F13A1: variants seen among roughly 807,000 people sequenced by gnomAD.
F13A1 encodes the protein coagulation factor XIII A chain.
Under a neutral mutation model 80.1 loss-of-function variants are expected in F13A1, and 47 were observed. That is an observed-to-expected ratio of 0.59 (90% CI 0.46 to 0.75). F13A1 has a LOEUF of 0.75. F13A1 is among the 30% of genes least tolerant of loss of function. The pLI, the probability that F13A1 is intolerant of heterozygous loss-of-function variation, is 0.00. For synonymous variants in F13A1, 349 were observed against 344.9 expected (o/e 1.01, Z -0.13); for missense variants, 817 against 930.4 (o/e 0.88, Z 1.59).
chr6:6,286,348 T>G (rs1758140006), intron 3 of F13A1, among the ~76,000 whole-genome samples: 1 of 152,210 alleles, frequency 6.6e-6, no homozygotes, highest in Non-Finnish European at 1.5e-5. Flanking sequence ...ATCGCGCCAC[T>G]TCTCTCCAGC....
intron 11 of F13A1, among the ~76,000 whole-genome samples, chr6:6,180,256 C>T (rs1760956565): frequency 6.6e-6 from 1 of 152,240 alleles, no homozygotes; most frequent in African/African-American, 2.4e-5. Context: ...CACTAACTTC[C>T]TCCACGAGGT....
intron 8 of F13A1, among the ~76,000 whole-genome samples, chr6:6,199,305 C>T (rs984802918): frequency 1.7e-4 from 26 of 151,930 alleles, no homozygotes; most frequent in Non-Finnish European, 3.5e-4. Flanking sequence ...CTGGTTAACA[C>T]GGTGAAACCC....
chr6:6,209,804 T>G (rs1385612247), intron 8 of F13A1, among the ~76,000 whole-genome samples: 1 of 152,106 alleles, frequency 6.6e-6, no homozygotes, highest in African/African-American at 2.4e-5. Flanking sequence ...GGCAAATCCA[T>G]AGAGAGAGAA....
At chr6:6,299,597 C>T (rs1173287000) in intron 3 of F13A1, among the ~76,000 whole-genome samples, 2 of 140,254 alleles carry the variant, frequency 1.4e-5, no homozygotes, top group African/African-American at 6.1e-5. Context: ...TTTTCAGCTC[C>T]ATCAGCTCCT....
chr6:6,238,909 G>T (rs1329046094), intron 6 of F13A1, among the ~76,000 whole-genome samples: 3 of 152,098 alleles, frequency 2.0e-5, no homozygotes, highest in Non-Finnish European at 4.4e-5. Flanking sequence ...TTGCTGGCAG[G>T]AATGTAAAAC....
In F13A1 at chr6:6,250,796, T is replaced by G. The variant is rs771449646; in HGVS notation, c.690+15A>C. On this transcript the variant is annotated intron_variant, in intron 5 of 14. Coordinates refer to ENST00000264870, the MANE Select transcript of F13A1 (RefSeq NM_000129.4). This position sits in a 1 kb window ranked among gnomAD's most constrained non-coding sequence, Gnocchi z 4.2. ...TAAAAATGTCCTTGACAATAACAAA[T>G]TTTAAGTGGCTCACCTGACCATAGC... is the stretch of plus-strand genomic sequence containing the variant. 3 of 1,569,548 alleles carry G rather than the reference T, an allele frequency of 1.9e-6. No homozygotes were observed. Among genetic ancestry groups the G allele is most frequent in the Non-Finnish European group, 2.6e-6 (3 of 1,139,768 alleles).
intron 14 of F13A1, among the ~76,000 whole-genome samples, chr6:6,146,100 A>G (rs1281804129): frequency 6.6e-6 from 1 of 152,118 alleles, no homozygotes; most frequent in Non-Finnish European, 1.5e-5. Flanking sequence ...CAAGCCCTCC[A>G]TAGTAGCCTT....
intron 13 of F13A1, among the ~76,000 whole-genome samples, chr6:6,153,479 A>G (rs1007125929): frequency 2.0e-5 from 3 of 152,234 alleles, no homozygotes; most frequent in Non-Finnish European, 4.4e-5. Flanking sequence ...CTTTGTGACT[A>G]AATTTATGGC....
intron 12 of F13A1, among the ~76,000 whole-genome samples, chr6:6,169,945 GC>G (rs1760742761): frequency 6.6e-6 from 1 of 152,106 alleles, no homozygotes; most frequent in Non-Finnish European, 1.5e-5. Context: ...CTTGACCTTG[GC>G]CCCCAGGTCC....
chr6:6,280,057 G>A (rs1368149103), intron 3 of F13A1, among the ~76,000 whole-genome samples: 1 of 152,060 alleles, frequency 6.6e-6, no homozygotes, highest in Non-Finnish European at 1.5e-5. Flanking sequence ...AGCAATTACT[G>A]GAGAAACAAA....
rs919380809 is a variant in F13A1, at chr6:6,305,660, T to G, written c.131-121A>C. The G allele has an allele frequency of 3.3e-5, 30 of 917,752 alleles. No homozygotes were observed. The African/African-American group carries it at 4.8e-4, about 15-fold the overall frequency. The allele number at this position is 917,752 out of a possible 1,614,324, so 56.9% of individuals were successfully genotyped here. ...GGTAGCAAGGTCTGCTGAATGAAAC[T>G]CTGTAGGAGGCAGGGGTAGGGGAAC... is the stretch of plus-strand genomic sequence containing the variant. On this transcript the variant is annotated intron_variant, in intron 2 of 14. Coordinates refer to ENST00000264870, the MANE Select transcript of F13A1 (RefSeq NM_000129.4).
intron 8 of F13A1, among the ~76,000 whole-genome samples, chr6:6,202,547 C>T (rs114937846): frequency 0.013 from 2,049 of 152,216 alleles, 59 homozygotes; most frequent in African/African-American, 0.047. Context: ...TTTATGTTCT[C>T]GGAGCCTTCA....
intron 14 of F13A1, among the ~76,000 whole-genome samples, chr6:6,147,452 T>C (rs1228099176): frequency 6.6e-6 from 1 of 152,248 alleles, no homozygotes; most frequent in East Asian, 1.9e-4. Flanking sequence ...CTTTGCAAGA[T>C]AATTTAGGAA....
At chr6:6,255,714 C>A (rs1175443614) in intron 4 of F13A1, among the ~76,000 whole-genome samples, 1 of 152,036 alleles carries the variant, frequency 6.6e-6, no homozygotes, top group Non-Finnish European at 1.5e-5. Context: ...CCAGACTAGG[C>A]CACCCTTTCC....
intron 2 of F13A1, among the ~76,000 whole-genome samples, chr6:6,306,140 G>T (rs1248074069): frequency 3.3e-5 from 5 of 152,182 alleles, no homozygotes. Flanking sequence ...GAGGGAGCAG[G>T]TCTGGAGAAA....
intron 2 of F13A1, among the ~76,000 whole-genome samples, chr6:6,307,967 T>A (rs1758536601): frequency 6.9e-6 from 1 of 145,404 alleles, no homozygotes. Context: ...ATTTAAAGAC[T>A]GCTCATAGGA....
chr6:6,253,142 C>CAAAAAA (rs397886568), intron 4 of F13A1, among the ~76,000 whole-genome samples: 1 of 73,946 alleles, frequency 1.4e-5, no homozygotes, highest in African/African-American at 4.8e-5. Flanking sequence ...GAATCTGTCC[C>CAAAAAA]AAAAAAAAAA....
chr6:6,148,196 T>C (rs1760317187), intron 14 of F13A1, among the ~76,000 whole-genome samples: 1 of 152,206 alleles, frequency 6.6e-6, no homozygotes, highest in African/African-American at 2.4e-5. Context: ...AAGCATCAAG[T>C]GCAGAAAGTT....
intron 8 of F13A1, among the ~76,000 whole-genome samples, chr6:6,209,919 A>G (rs984424401): frequency 9.2e-5 from 14 of 152,146 alleles, no homozygotes; most frequent in African/African-American, 3.4e-4. Flanking sequence ...TGATGGTTAT[A>G]CAAGACCACA....
Sources: gnomAD v4.1 joint callset for allele counts (sites outside exome capture counted in the v4.1 genomes callset) on GRCh38, gnomAD v4.1.1 for gene constraint, Gnocchi (gnomAD v3.1) non-coding constraint, MANE v1.5 for transcripts, NCBI Gene and HGNC (gene_info 2026-07-23, HGNC 2026-07-21) for gene names.